LMNTD2: variants seen among roughly 807,000 people sequenced by gnomAD.
LMNTD2 encodes the protein lamin tail domain-containing protein 2.
LMNTD2 carries 83 observed loss-of-function variants against 70.1 expected under a neutral mutation model. The ratio of observed to expected loss-of-function variants is 1.18; its 90% confidence interval spans 0.99 to 1.42. The LOEUF (loss-of-function observed/expected upper bound fraction) is 1.42. LMNTD2 is among the 40% of genes most tolerant of loss of function. The pLI is 0.00. For synonymous variants in LMNTD2, 534 were observed against 406.1 expected (o/e 1.31, Z -3.79); for missense variants, 1,153 against 905.9 (o/e 1.27, Z -3.50).
chr11:557,057 C>G lies in LMNTD2; in HGVS notation c.754G>C (p.Glu252Gln), dbSNP rs750781882. The G allele has an allele frequency of 3.7e-6, 6 of 1,607,332 alleles. No homozygotes were observed. Among genetic ancestry groups the G allele is most frequent in the African/African-American group, 1.3e-5 (1 of 74,866 alleles). Residue 252 changes from glutamate to glutamine, a missense_variant, in exon 8 of 14, where the codon GAG becomes CAG. Coordinates refer to ENST00000329451, the MANE Select transcript of LMNTD2 (RefSeq NM_173573.3). Reference sequence around the variant, plus strand: ...CGCTCGGAATGCTTTCCAGAGGACTCTGGGCTCCCTGTGTCCAGCTGTGGC... The same window carrying G: ...CGCTCGGAATGCTTTCCAGAGGACTGTGGGCTCCCTGTGTCCAGCTGTGGC... ...PWPQLDTGSP[E>Q]SSGKHSERHH...
Position 558,895 on chromosome 11 carries a change from G to A in LMNTD2, c.119C>T (p.Thr40Met), listed in dbSNP as rs776649974. Residue 40 changes from threonine (T) to methionine (M), a missense_variant, in exon 2 of 14, where the codon ACG becomes ATG. Thr to Met is a moderately conservative substitution (Grantham distance 81). Transcript: ENST00000329451. The part of the protein sequence containing the change: ...PETPTCLPDT[T>M]PHPAPVVCSA... The stretch of plus-strand genomic sequence containing the variant: ...GCAGACCACCGGTGCGGGGTGGGGC[G>A]TGGTGTCTGGCAGGCACGTGGGAGT... 4.2e-5 allele frequency: 67 copies of A among 1,611,170 alleles called. No individual in the cohort carries two copies. Among genetic ancestry groups the A allele is most frequent in the Non-Finnish European group, 5.3e-5 (63 of 1,179,314 alleles).
Position 557,065 on chromosome 11 carries a change from CCTGTGTCCAG to C in LMNTD2, c.736_745del (p.Leu246GlyfsTer25), listed in dbSNP as rs769056869. ...ATGCTTTCCAGAGGACTCTGGGCTC[CCTGTGTCCAG>C]CTGTGGCCAGGGCCGGGGCTGCCTG... is the stretch of plus-strand genomic sequence containing the variant. On this transcript the variant is annotated frameshift_variant, in exon 8 of 14. Coordinates refer to ENST00000329451, the MANE Select transcript of LMNTD2 (RefSeq NM_173573.3). LOFTEE classifies it high-confidence loss of function. 5 of 1,606,228 alleles carry C rather than the reference CCTGTGTCCAG, an allele frequency of 3.1e-6. No homozygotes were observed. The highest frequency in any genetic ancestry group is 3.4e-5 in the Admixed American group (2 of 59,540).
In LMNTD2 at chr11:560,518, G is replaced by A. The variant is rs1348892144; in HGVS notation, c.34+165C>T. On this transcript the variant is annotated intron_variant, in intron 1 of 13. Coordinates refer to ENST00000329451, the MANE Select transcript of LMNTD2 (RefSeq NM_173573.3). ...CGTCCAGACTACTGCAGCTGCGGTA[G>A]GCCCCAAAGGCTGGCCCGGGAAGCG... The A allele has an allele frequency of 4.7e-6, 6 of 1,270,832 alleles. No homozygotes were observed. The East Asian group carries it at 9.5e-5, about 20-fold the overall frequency. The allele number at this position is 1,270,832 out of a possible 1,614,324, so 78.7% of individuals were successfully genotyped here.
At position 556,443 on chromosome 11, in the gene LMNTD2, G is replaced by A. The variant is rs1390556791; in HGVS notation, c.1073+49C>T. On this transcript the variant is annotated intron_variant, in intron 9 of 13. Transcript: ENST00000329451. ...CCCGCACAGCTGCGCGCCCCGCCCGGAAACCAGCTCCAGTCCGGCGCCGGA... is the reference window on the plus strand; with the variant it reads ...CCCGCACAGCTGCGCGCCCCGCCCGAAAACCAGCTCCAGTCCGGCGCCGGA... The A allele has an allele frequency of 5.2e-6, 8 of 1,546,732 alleles. No individual in the cohort carries two copies. In the East Asian group the frequency reaches 1.2e-4, roughly 24 times the overall value.
chr11:557,838 C>A, intron 5 of LMNTD2, 46 bp downstream of exon 5: 1 of 1,523,102 alleles, frequency 6.6e-7, no homozygotes, highest in South Asian at 1.3e-5. Context: ...ATGGGGAGGG[C>A]TGGGGAGGGC....
In LMNTD2 at chr11:557,943, G is replaced by T; in HGVS notation, c.496C>A (p.Gln166Lys). The T allele has an allele frequency of 2.5e-6, 4 of 1,597,718 alleles. No individual in the cohort carries two copies. The highest frequency in any genetic ancestry group is 3.4e-6 in the Non-Finnish European group (4 of 1,171,392). ...CCCACCCACGAGGAGCGGGCCAGCT[G>T]CAGGAGGCAGGACTTCTGCAAGTTC... ...LQNLQKSCLL[Q>K]LARSSWVGRM... The change falls in exon 5 of 14, where the codon CAG becomes AAG. Residue 166 changes from glutamine to lysine, a missense_variant. Physicochemically the swap from Gln to Lys is moderately conservative, Grantham distance 53. Coordinates refer to ENST00000329451, the MANE Select transcript of LMNTD2 (RefSeq NM_173573.3).
chr11:557,395 T>G lies in LMNTD2; in HGVS notation c.713+4A>C. 6.3e-7 allele frequency: 1 copy of G among 1,596,266 alleles called. No homozygotes were observed. The highest frequency in any genetic ancestry group is 8.5e-7 in the Non-Finnish European group (1 of 1,171,004). ...CCTGGGGAGTCCCTGCTCTGTGCAG[T>G]TACTTTTGCTTTGAGCTGGGCTCCA... On this transcript the variant is annotated splice_donor_region_variant and intron_variant, in intron 7 of 13. Transcript: ENST00000329451.
At chr11:555,152 G>A in intron 13 of LMNTD2, 41 bp from the exon 14 acceptor site, 1 of 646,400 alleles carries the variant, frequency 1.5e-6, no homozygotes, top group Non-Finnish European at 2.1e-6. Context: ...GGGCGGGGCG[G>A]GGACGGGAGG....
rs1005071240 is a variant in LMNTD2, at chr11:556,904, G to A, written c.907C>T (p.Pro303Ser). The A allele has an allele frequency of 8.2e-6, 13 of 1,594,584 alleles. No homozygotes were observed. In the African/African-American group the frequency reaches 1.3e-4, roughly 16 times the overall value. ...PSFVQVIGHP[P>S]RDHRASSEQA... is the part of the protein sequence containing the mutation. Reference sequence around the variant, plus strand: ...TCGGAGGAAGCGCGGTGGTCCCGGGGCGGGTGCCCTATCACCTGCACGAAG... The same window carrying A: ...TCGGAGGAAGCGCGGTGGTCCCGGGACGGGTGCCCTATCACCTGCACGAAG... Residue 303 changes from proline (P) to serine (S), a missense_variant, in exon 8 of 14, where the codon CCC (proline) becomes TCC (serine). By Grantham distance (74) the Pro-to-Ser change is moderately conservative. Coordinates refer to ENST00000329451, the MANE Select transcript of LMNTD2 (RefSeq NM_173573.3).
At position 555,398 on chromosome 11, in the gene LMNTD2, G is replaced by T. The variant is rs775221939; in HGVS notation, c.1680C>A (p.Pro560=). The T allele has an allele frequency of 1.4e-6, 2 of 1,404,196 alleles. No individual in the cohort carries two copies. Among genetic ancestry groups the T allele is most frequent in the East Asian group, 2.9e-5 (1 of 34,110 alleles). The allele number at this position is 1,404,196 out of a possible 1,614,324, so 87.0% of individuals were successfully genotyped here. A position where few individuals can be genotyped will look rare whatever the true frequency, so the allele number is the denominator to read the frequency against. ...NPEIPAPQHL[P]AIPGDPTLPS... is the part of the protein sequence containing the mutation. ...GCAGGGTGGGGTCACCCGGGATGGC[G>T]GGCAGGTGCTGCGGCGCGGGGATCT... The change falls in exon 13 of 14, where the codon CCC becomes CCA. Residue 560 remains proline, a synonymous_variant. Transcript: ENST00000329451.
chr11:558,843 C>T lies in LMNTD2; in HGVS notation c.158+13G>A. On this transcript the variant is annotated intron_variant, in intron 2 of 13. Coordinates refer to ENST00000329451, the MANE Select transcript of LMNTD2 (RefSeq NM_173573.3). ...GGCCCAGGAGGCTCACCAGTCCTCC[C>T]TCTCCTCCTTACTGCGGGTCGGCAG... 6.3e-7 allele frequency: 1 copy of T among 1,598,624 alleles called. No homozygotes were observed. The highest frequency in any genetic ancestry group is 8.6e-7 in the Non-Finnish European group (1 of 1,168,482).
At chr11:558,802 C>CG in intron 2 of LMNTD2, 36 bp from the exon 3 acceptor site, 1 of 1,597,770 alleles carries the variant, frequency 6.3e-7, no homozygotes, top group Middle Eastern at 1.8e-4. Context: ...TTACTCAGGC[C>CG]GGCCCCTGGC....
chr11:558,500 G>A, intron 3 of LMNTD2, 114 bp downstream of exon 3: 1 of 1,347,560 alleles, frequency 7.4e-7, no homozygotes, highest in Non-Finnish European at 1.0e-6. Flanking sequence ...GTCAGCGCGG[G>A]CAAGGATGAG....
rs1274645949 is a variant in LMNTD2 at position 555,017 on chromosome 11, C to G, written c.1868G>C (p.Cys623Ser). The change falls in exon 14 of 14, where the codon TGC becomes TCC. Residue 623 changes from cysteine (C) to serine (S), a missense_variant. Transcript: ENST00000329451. Reference protein sequence around the residue: ...ESRFGFRFLSCLPVTADTCRG... With the variant: ...ESRFGFRFLSSLPVTADTCRG... ...GCAGGTGTCCGCGGTGACCGGCAGG[C>G]AGCTGAGGAAGCGGAAGCCGAATCT... 2 of 1,592,496 alleles carry G rather than the reference C, an allele frequency of 1.3e-6. No individual in the cohort carries two copies.
chr11:557,461 C>T lies in LMNTD2; in HGVS notation c.651G>A (p.Trp217Ter), dbSNP rs745649725. 2.5e-6 allele frequency: 4 copies of T among 1,610,512 alleles called. No individual in the cohort carries two copies. Among genetic ancestry groups the T allele is most frequent in the Middle Eastern group, 1.6e-4 (1 of 6,062 alleles). Reference protein sequence around the residue: ...GEGFRLEDVDWNSVARRYPNL... With the variant: ...GEGFRLEDVD ...TGGGATACCGGCGGGCAACGCTGTT[C>T]CAATCCACGTCCTCCAGCCGAAAGC... Residue 217 changes from tryptophan (W) to a stop codon, truncating the protein, a stop_gained, in exon 7 of 14, where the codon TGG (tryptophan) becomes TGA (stop). Coordinates refer to ENST00000329451, the MANE Select transcript of LMNTD2 (RefSeq NM_173573.3). LOFTEE classifies it high-confidence loss of function.
intron 1 of LMNTD2, chr11:560,061 A>G (rs955494242): frequency 1.8e-5 from 3 of 162,376 alleles, no homozygotes; most frequent in Non-Finnish European, 2.7e-5. Context: ...CTGCTCCAGG[A>G]GAAAAGCCAG....
chr11:557,231 T>A, intron 7 of LMNTD2, 134 bp from the exon 8 acceptor site: 1 of 1,398,808 alleles, frequency 7.1e-7, no homozygotes, highest in Non-Finnish European at 9.6e-7. Flanking sequence ...GGCAGGACAG[T>A]GATGGCTGCC....
At position 558,142 on chromosome 11, in the gene LMNTD2, C is replaced by T. The variant is rs1415442777; in HGVS notation, c.399+19G>A. The T allele has an allele frequency of 6.2e-7, 1 of 1,612,528 alleles. No homozygotes were observed. Among genetic ancestry groups the T allele is most frequent in the Non-Finnish European group, 8.5e-7 (1 of 1,179,584 alleles). ...CCCCAACACCAGGACCCTGCCCACTCCCTGTGCCCCTGCCTCACCCACTGG... is the reference window on the plus strand; with the variant it reads ...CCCCAACACCAGGACCCTGCCCACTTCCTGTGCCCCTGCCTCACCCACTGG... On this transcript the variant is annotated intron_variant, in intron 4 of 13. Coordinates refer to ENST00000329451, the MANE Select transcript of LMNTD2 (RefSeq NM_173573.3).
intron 7 of LMNTD2, 108 bp downstream of exon 7, chr11:557,289 TAA>T (rs1340644664): frequency 3.7e-5 from 53 of 1,417,826 alleles, no homozygotes; most frequent in African/African-American, 1.7e-4. Context: ...TTGGAAGGTT[TAA>T]GAGACTTATC....
Sources: gnomAD v4.1 joint callset for allele counts on GRCh38, gnomAD v4.1.1 for gene constraint, MANE v1.5 for transcripts, NCBI Gene and HGNC (gene_info 2026-07-23, HGNC 2026-07-21) for gene names.